DTNA: variants seen among roughly 807,000 people sequenced by gnomAD.
DTNA encodes the protein dystrobrevin alpha, also known as dystrophin-related protein 3.
DTNA carries 43 observed loss-of-function variants against 100.7 expected under a neutral mutation model. The ratio of observed to expected loss-of-function variants is 0.43; its 90% confidence interval spans 0.33 to 0.55. The LOEUF is 0.55. Among genes scored for constraint, DTNA ranks in the 20% least tolerant of loss-of-function variants. DTNA has a pLI of 0.04. For synonymous variants in DTNA, 349 were observed against 347.9 expected, an observed-to-expected ratio of 1.00 and a Z score of -0.04; for missense variants, 798 against 953.9, an observed-to-expected ratio of 0.84 and a Z score of 2.15.
chr18:34,815,500 G>A (rs906190895), intron 6 of DTNA: 9 of 224,200 alleles, frequency 4.0e-5, no homozygotes, highest in Non-Finnish European at 6.2e-5. Context: ...CAGAAGGGAA[G>A]TTGTTCTATA....
At chr18:34,750,740 T>C (rs2092237353) in intron 1 of DTNA, among the ~76,000 whole-genome samples, 1 of 152,196 alleles carries the variant, frequency 6.6e-6, no homozygotes, top group African/African-American at 2.4e-5. Context: ...TTTAAGAAGT[T>C]ATACAAATGT....
At chr18:34,735,632 T>C (rs1239960234) in intron 1 of DTNA, among the ~76,000 whole-genome samples, 1 of 152,146 alleles carries the variant, frequency 6.6e-6, no homozygotes, top group African/African-American at 2.4e-5. Flanking sequence ...TGCAACACAT[T>C]ATCATTCTGT....
intron 1 of DTNA, among the ~76,000 whole-genome samples, chr18:34,524,835 T>A (rs62098467): frequency 0.097 from 14,763 of 152,142 alleles, 897 homozygotes; most frequent in Non-Finnish European, 0.14. Flanking sequence ...CCCAAACATT[T>A]GTGTCCAACC....
chr18:34,848,962 A>G (rs1295521942), intron 14 of DTNA, among the ~76,000 whole-genome samples: 2 of 152,136 alleles, frequency 1.3e-5, no homozygotes, highest in Non-Finnish European at 2.9e-5. Context: ...CTCACATCAG[A>G]TGTTGCAGTT....
chr18:34,707,006 A>G (rs2082201603), upstream of DTNA, among the ~76,000 whole-genome samples: 1 of 152,212 alleles, frequency 6.6e-6, no homozygotes, highest in Admixed American at 6.5e-5. Context: ...GAAAAAATAA[A>G]TAATAATTTT....
intron 1 of DTNA, among the ~76,000 whole-genome samples, chr18:34,579,921 G>A (rs3980414): frequency 0.1 from 15,404 of 151,736 alleles, 1,111 homozygotes; most frequent in African/African-American, 0.2. Context: ...TTTTCTCCCC[G>A]CTACTTTTCT....
intron 1 of DTNA, among the ~76,000 whole-genome samples, chr18:34,553,295 G>A (rs915270273): frequency 2.6e-5 from 4 of 151,770 alleles, no homozygotes; most frequent in South Asian, 2.1e-4. Context: ...TGTCAGATGA[G>A]TAGGTTGCGA....
chr18:34,528,686 G>GA (rs2042872994), intron 1 of DTNA, among the ~76,000 whole-genome samples: 3 of 152,052 alleles, frequency 2.0e-5, no homozygotes, highest in Non-Finnish European at 4.4e-5. Flanking sequence ...TTGTCTGGAA[G>GA]AAAATGCCTT....
intron 9 of DTNA, among the ~76,000 whole-genome samples, chr18:34,825,090 CT>C (rs111758936): frequency 9.9e-4 from 150 of 151,130 alleles, no homozygotes; most frequent in African/African-American, 3.2e-3. Flanking sequence ...AGCCAAGGGA[CT>C]TTTTTTTTCT....
chr18:34,588,832 C>T (rs528845529), intron 1 of DTNA, among the ~76,000 whole-genome samples: 93 of 144,714 alleles, frequency 6.4e-4, no homozygotes, highest in Non-Finnish European at 1.3e-3. Context: ...CTCTGGTGTT[C>T]TAATATAGTT....
chr18:34,841,235 T>G (rs1054191505), intron 13 of DTNA, among the ~76,000 whole-genome samples: 2 of 152,168 alleles, frequency 1.3e-5, no homozygotes, highest in African/African-American at 4.8e-5. Context: ...TCATAACCAC[T>G]GTGTTTCATC....
At chr18:34,606,302 CAT>C (rs2053093840) in intron 1 of DTNA, among the ~76,000 whole-genome samples, 1 of 152,092 alleles carries the variant, frequency 6.6e-6, no homozygotes, top group African/African-American at 2.4e-5. Flanking sequence ...TCTCTTAGCT[CAT>C]ATGATGGTAT....
At chr18:34,587,374 GTC>G (rs2049251272) in intron 1 of DTNA, among the ~76,000 whole-genome samples, 1 of 151,956 alleles carries the variant, frequency 6.6e-6, no homozygotes, top group Non-Finnish European at 1.5e-5. Flanking sequence ...TCCTTAGTCA[GTC>G]TCTCTCTTTC....
upstream of DTNA, among the ~76,000 whole-genome samples, chr18:34,707,572 A>T (rs1005868395): frequency 2.6e-5 from 4 of 152,178 alleles, no homozygotes; most frequent in African/African-American, 9.7e-5. Context: ...CCTTAACTAG[A>T]TAAATGATAA....
chr18:34,856,247 A>C (rs749185905), intron 15 of DTNA, among the ~76,000 whole-genome samples: 3 of 152,186 alleles, frequency 2.0e-5, no homozygotes, highest in Non-Finnish European at 4.4e-5. Flanking sequence ...TTCTCTAGAC[A>C]TCCCAGGGCC....
chr18:34,734,399 A>G (rs879735468), intron 1 of DTNA, among the ~76,000 whole-genome samples: 3 of 152,076 alleles, frequency 2.0e-5, no homozygotes, highest in Non-Finnish European at 4.4e-5. Flanking sequence ...TTTCATCAGA[A>G]TCTTCCCACA....
intron 1 of DTNA, among the ~76,000 whole-genome samples, chr18:34,615,707 C>T (rs2055134060): frequency 6.6e-6 from 1 of 152,098 alleles, no homozygotes; most frequent in African/African-American, 2.4e-5. Context: ...AAGCAGAGTA[C>T]TCAGTAGGCA....
chr18:34,876,845 C>A (rs2096823763), intron 18 of DTNA, among the ~76,000 whole-genome samples: 2 of 152,062 alleles, frequency 1.3e-5, no homozygotes, highest in Admixed American at 1.3e-4. Flanking sequence ...AGAAAATATC[C>A]CTTCTCTTAA....
At chr18:34,789,775 T>C (rs1191390206) in intron 3 of DTNA, among the ~76,000 whole-genome samples, 1 of 152,250 alleles carries the variant, frequency 6.6e-6, no homozygotes, top group East Asian at 1.9e-4. Flanking sequence ...GGACCTTCAA[T>C]ATGTAAGCAC....
Sources: gnomAD v4.1 joint callset for allele counts (sites outside exome capture counted in the v4.1 genomes callset) on GRCh38, gnomAD v4.1.1 for gene constraint, MANE v1.5 for transcripts, NCBI Gene and HGNC (gene_info 2026-07-23, HGNC 2026-07-21) for gene names.